Variants in STRN observed in about 807,000 individuals in gnomAD.
STRN encodes the protein striatin, also known as protein phosphatase 2 regulatory subunit B'''alpha.
Under a neutral mutation model 96.3 loss-of-function variants are expected in STRN, and 53 were observed. That is an observed-to-expected ratio of 0.55 (90% CI 0.44 to 0.69). The LOEUF is 0.69. STRN is among the 30% of genes least tolerant of loss of function. The pLI is 0.00. For synonymous variants in STRN, 428 were observed against 355.9 expected, an observed-to-expected ratio of 1.20 and a Z score of -2.28; for missense variants, 987 against 963.9, an observed-to-expected ratio of 1.02 and a Z score of -0.32.
intron 1 of STRN, among the ~76,000 whole-genome samples, chr2:36,929,189 G>A (rs963884983): frequency 3.3e-5 from 5 of 151,878 alleles, no homozygotes; most frequent in African/African-American, 4.8e-5. Flanking sequence ...ATAATAGAAG[G>A]AAGACATTTT....
At chr2:36,862,009 G>A (rs769795323) in intron 12 of STRN, among the ~76,000 whole-genome samples, 1 of 152,088 alleles carries the variant, frequency 6.6e-6, no homozygotes, top group Non-Finnish European at 1.5e-5. Context: ...TCACTTATAA[G>A]TGAGAACATG....
chr2:36,957,981 G>A (rs1427097648), intron 1 of STRN, among the ~76,000 whole-genome samples: 6 of 147,578 alleles, frequency 4.1e-5, no homozygotes, highest in East Asian at 4.0e-4. Context: ...GTACAGTGGC[G>A]CGATCTTGGC....
chr2:36,849,632 C>G lies in STRN; in HGVS notation c.2174-7G>C, dbSNP rs928189982. 6.2e-7 allele frequency: 1 copy of G among 1,610,942 alleles called. No individual in the cohort carries two copies. The highest frequency in any genetic ancestry group is 8.5e-7 in the Non-Finnish European group (1 of 1,179,164). On this transcript the variant is annotated splice_region_variant and splice_polypyrimidine_tract_variant and intron_variant, in intron 17 of 17. Transcript: ENST00000263918. ...CGTATTGAACAGTCATGACCTATAT[C>G]CAAAAAAAAAATTAAAAGGAAAAAT...
rs1043214737 is a variant in STRN, at chr2:36,837,901, A to T, written c.*11555T>A. Reference sequence around the variant, plus strand: ...TATGGACCAAAAATAAGAAAAATTTAAAAATGTATATAAAAGTATAACTAC... The same window carrying T: ...TATGGACCAAAAATAAGAAAAATTTTAAAATGTATATAAAAGTATAACTAC... On this transcript the variant is annotated 3_prime_UTR_variant, in exon 18 of 18. Coordinates refer to ENST00000263918, the MANE Select transcript of STRN (RefSeq NM_003162.4). Among the ~76,000 whole-genome samples, 3 of 152,254 alleles carry T rather than the reference A, an allele frequency of 2.0e-5. No homozygotes were observed. The highest frequency in any genetic ancestry group is 4.8e-5 in the African/African-American group (2 of 41,478).
At chr2:36,948,362 A>C (rs958495815) in intron 1 of STRN, among the ~76,000 whole-genome samples, 8 of 151,982 alleles carry the variant, frequency 5.3e-5, no homozygotes, top group African/African-American at 1.9e-4. Context: ...GGCCTCTCAA[A>C]GTGCTGGGAT....
At chr2:36,943,654 AT>A (rs1309903557) in intron 1 of STRN, among the ~76,000 whole-genome samples, 2 of 152,042 alleles carry the variant, frequency 1.3e-5, no homozygotes, top group East Asian at 1.9e-4. Context: ...AATAGAAAAA[AT>A]TAGCTGGGCG....
At chr2:36,912,646 T>C (rs771550696) in intron 3 of STRN, among the ~76,000 whole-genome samples, 4 of 152,214 alleles carry the variant, frequency 2.6e-5, no homozygotes, top group African/African-American at 7.2e-5. Context: ...ATACAGCTCC[T>C]GGGTGACTGT....
intron 15 of STRN, among the ~76,000 whole-genome samples, chr2:36,853,557 C>G (rs1423386516): frequency 6.6e-6 from 1 of 152,200 alleles, no homozygotes; most frequent in African/African-American, 2.4e-5. Flanking sequence ...ATGCAAAGAA[C>G]ACTACTCATA....
At chr2:36,946,994 C>G (rs1017813014) in intron 1 of STRN, among the ~76,000 whole-genome samples, 1 of 152,040 alleles carries the variant, frequency 6.6e-6, no homozygotes, top group African/African-American at 2.4e-5. Flanking sequence ...CTCCCAGGTT[C>G]AAGTGATTCT....
rs1558614593 is a variant in STRN at position 36,841,329 on chromosome 2, A to G, written c.*8127T>C. The G allele has an allele frequency of 6.6e-6, 1 of 152,184 alleles. No homozygotes were observed. The highest frequency in any genetic ancestry group is 1.9e-4 in the East Asian group (1 of 5,198). The allele number at this position is 152,184 out of a possible 1,614,324, so 9.4% of individuals were successfully genotyped here. A position where few individuals can be genotyped will look rare whatever the true frequency, so the allele number is the denominator to read the frequency against. On this transcript the variant is annotated 3_prime_UTR_variant, in exon 18 of 18. Transcript: ENST00000263918. ...CAAGGAAACTGAACAAATACCAGGC[A>G]GCAAAATACTGAGACATTTACCACA...
chr2:36,882,427 G>C (rs967848357), intron 9 of STRN, among the ~76,000 whole-genome samples: 1 of 152,122 alleles, frequency 6.6e-6, no homozygotes, highest in African/African-American at 2.4e-5. Flanking sequence ...AGGCTGGAGT[G>C]CAGTAGCTAT....
rs1200585571 is a variant in STRN, at chr2:36,846,919, T to C, written c.*2537A>G. 6.6e-6 allele frequency: 1 copy of C among 152,142 alleles called. No individual in the cohort carries two copies. The highest frequency in any genetic ancestry group is 1.5e-5 in the Non-Finnish European group (1 of 68,008). The allele number at this position is 152,142 out of a possible 1,614,324, so 9.4% of individuals were successfully genotyped here. A position where few individuals can be genotyped will look rare whatever the true frequency, so the allele number is the denominator to read the frequency against. On this transcript the variant is annotated 3_prime_UTR_variant, in exon 18 of 18. Transcript: ENST00000263918. ...CTATTCCAATACATTTCAAACAAAA[T>C]ATTTACAAATGAAGCACTATGAAAG...
At position 36,934,074 on chromosome 2, in the gene STRN, A is replaced by AC. The variant is rs1451571762; in HGVS notation, c.235-8867dup. Among the ~76,000 whole-genome samples the AC allele has an allele frequency of 2.0e-5, 3 of 152,228 alleles. No homozygotes were observed. The East Asian group carries it at 5.8e-4, about 29-fold the overall frequency. The stretch of plus-strand genomic sequence containing the variant: ...CAGTGAGCAGAGATCACGCCACTGC[A>AC]CTCCAGCCTGGGTGACAGAGGGAGA... On this transcript the variant is annotated intron_variant, in intron 1 of 17. Coordinates refer to ENST00000263918, the MANE Select transcript of STRN (RefSeq NM_003162.4).
intron 1 of STRN, among the ~76,000 whole-genome samples, chr2:36,948,908 G>A (rs1490020408): frequency 6.6e-6 from 1 of 152,028 alleles, no homozygotes; most frequent in Non-Finnish European, 1.5e-5. Context: ...TTTGAGCAAT[G>A]ACAAAAAAAG....
At chr2:36,947,035 A>G (rs1366913982) in intron 1 of STRN, among the ~76,000 whole-genome samples, 2 of 151,930 alleles carry the variant, frequency 1.3e-5, no homozygotes, top group Non-Finnish European at 2.9e-5. Context: ...AGCAGGGACT[A>G]CAGGCACGTG....
rs1170798587 is a variant in STRN at position 36,848,561 on chromosome 2, T to C, written c.*895A>G. The C allele has an allele frequency of 1.3e-5, 2 of 152,234 alleles. No homozygotes were observed. The highest frequency in any genetic ancestry group is 4.8e-5 in the African/African-American group (2 of 41,474). 9.4% of individuals were successfully genotyped at this position (152,234 alleles called of 1,614,324 possible). On this transcript the variant is annotated 3_prime_UTR_variant, in exon 18 of 18. Coordinates refer to ENST00000263918, the MANE Select transcript of STRN (RefSeq NM_003162.4). ...TCAGTCACTGAAAAGTAAGATTTCA[T>C]TGGTATGAAATAATCACTCTGGTAC...
chr2:36,870,834 G>T (rs546381538), intron 10 of STRN, among the ~76,000 whole-genome samples: 1 of 152,268 alleles, frequency 6.6e-6, no homozygotes, highest in East Asian at 1.9e-4. Context: ...AAAGATGACA[G>T]CTCCATGACT....
chr2:36,960,574 C>T (rs985233378), intron 1 of STRN, among the ~76,000 whole-genome samples: 2 of 152,180 alleles, frequency 1.3e-5, no homozygotes, highest in African/African-American at 4.8e-5. Flanking sequence ...CTGCTAAGTA[C>T]TTTAAATTAT....
chr2:36,906,581 A>G (rs2148205819), intron 3 of STRN, among the ~76,000 whole-genome samples: 1 of 152,306 alleles, frequency 6.6e-6, no homozygotes, highest in South Asian at 2.1e-4. Context: ...AAGAGCAGAT[A>G]TATAACAACC....
Sources: allele counts gnomAD v4.1 joint callset (sites outside exome capture counted in the v4.1 genomes callset), GRCh38; gene constraint gnomAD v4.1.1; transcripts MANE v1.5; gene names NCBI Gene and HGNC (gene_info 2026-07-23, HGNC 2026-07-21).